The following POLD3 variants were observed in gnomAD, a reference collection of about 807,000 sequenced individuals.
The protein encoded by POLD3 is DNA polymerase delta subunit 3.
In POLD3, 19 loss-of-function variants were observed where a neutral mutation model predicts 58.2. The ratio of observed to expected loss-of-function variants is 0.33; its 90% CI spans 0.23 to 0.48. The LOEUF (loss-of-function observed/expected upper bound fraction) is 0.48. Among genes scored for constraint, POLD3 ranks in the 20% least tolerant of loss-of-function variants. The probability of loss-of-function intolerance (pLI) is 0.99; values close to 1 mark genes in which losing one functional copy is unlikely to be tolerated. For missense variants in POLD3, 504 were observed against 545.5 expected, an observed-to-expected ratio of 0.92 and a Z score of 0.76; for synonymous variants, 172 against 193.5, an observed-to-expected ratio of 0.89 and a Z score of 0.92.
chr11:74,628,599 A>T (rs1386480385), intron 8 of POLD3, among the ~76,000 whole-genome samples: 2 of 152,066 alleles, frequency 1.3e-5, no homozygotes, highest in South Asian at 4.1e-4. Context: ...GGAGTCTAGG[A>T]TTTTTTTTAT....
At chr11:74,621,375 G>A (rs559475932) in intron 7 of POLD3, among the ~76,000 whole-genome samples, 5 of 151,718 alleles carry the variant, frequency 3.3e-5, no homozygotes, top group Admixed American at 2.6e-4. Flanking sequence ...GAGGTGGAAC[G>A]GTTTCATCCT....
intron 11 of POLD3, 24 bp from the exon 12 acceptor site, chr11:74,640,540 T>C: frequency 6.8e-7 from 1 of 1,480,292 alleles, no homozygotes; most frequent in Non-Finnish European, 9.0e-7. Flanking sequence ...CCACCCATGT[T>C]CCATTTTTTT....
At chr11:74,606,078 C>T (rs2031665037) in intron 3 of POLD3, among the ~76,000 whole-genome samples, 1 of 152,192 alleles carries the variant, frequency 6.6e-6, no homozygotes, top group South Asian at 2.1e-4. Flanking sequence ...TAAAATAAAA[C>T]TGGAACGTCA....
At chr11:74,650,119 G>A (rs960384394) in intron 4 of POLD3, among the ~76,000 whole-genome samples, 2 of 152,198 alleles carry the variant, frequency 1.3e-5, no homozygotes, top group African/African-American at 4.8e-5. Flanking sequence ...AGTTTATAGT[G>A]GTTGGGTTTT....
At chr11:74,634,996 A>G (rs1168110054) in intron 10 of POLD3, among the ~76,000 whole-genome samples, 5 of 152,154 alleles carry the variant, frequency 3.3e-5, no homozygotes, top group Non-Finnish European at 7.4e-5. Flanking sequence ...GAATGGTGTA[A>G]AAAGAGATCC....
At chr11:74,607,324 G>A (rs1162879519) in intron 3 of POLD3, among the ~76,000 whole-genome samples, 4 of 149,562 alleles carry the variant, frequency 2.7e-5, no homozygotes, top group South Asian at 2.1e-4. Context: ...GTGCAGTGGC[G>A]TGAACTCAGC....
intron 5 of POLD3, among the ~76,000 whole-genome samples, chr11:74,617,203 C>T (rs149531687): frequency 2.0e-5 from 3 of 152,162 alleles, no homozygotes; most frequent in Non-Finnish European, 2.9e-5. Context: ...TTGTGTGAAA[C>T]GGCACTTCTA....
At chr11:74,596,028 T>G (rs1022450192) in intron 2 of POLD3, among the ~76,000 whole-genome samples, 3 of 86,494 alleles carry the variant, frequency 3.5e-5, no homozygotes, top group African/African-American at 1.8e-4. Flanking sequence ...TTTTTTAATC[T>G]TATTTTTTTT....
chr11:74,631,452 A>C (rs1422996964), intron 9 of POLD3, among the ~76,000 whole-genome samples: 1 of 147,834 alleles, frequency 6.8e-6, no homozygotes. Context: ...TGCTTGGTAC[A>C]TGGTTTTCTT....
intron 11 of POLD3, among the ~76,000 whole-genome samples, chr11:74,639,135 A>G (rs2032839030): frequency 6.6e-6 from 1 of 152,208 alleles, no homozygotes; most frequent in South Asian, 2.1e-4. Flanking sequence ...GACCAGCAGC[A>G]TCAGCATTAT....
intron 11 of POLD3, among the ~76,000 whole-genome samples, chr11:74,636,999 A>G (rs528591356): frequency 6.6e-6 from 1 of 152,260 alleles, no homozygotes; most frequent in African/African-American, 2.4e-5. Flanking sequence ...GTTTGATGGG[A>G]TGCTCAGATC....
At chr11:74,667,274 G>T (rs979342700) in intron 4 of POLD3, among the ~76,000 whole-genome samples, 2 of 152,200 alleles carry the variant, frequency 1.3e-5, no homozygotes, top group African/African-American at 4.8e-5. Flanking sequence ...GGTGGCTCAC[G>T]CCTGTAATCC....
At chr11:74,646,890 G>C (rs116883208), downstream of POLD3, among the ~76,000 whole-genome samples, 2 of 152,166 alleles carry the variant, frequency 1.3e-5, no homozygotes, top group African/African-American at 4.8e-5. Context: ...GCATAATGAC[G>C]GTACAGTGCA....
At chr11:74,652,183 G>A (rs2135193917) in intron 4 of POLD3, among the ~76,000 whole-genome samples, 1 of 152,292 alleles carries the variant, frequency 6.6e-6, no homozygotes, top group Non-Finnish European at 1.5e-5. Flanking sequence ...GCTCTCATCT[G>A]CAAATTGAAT....
chr11:74,653,333 A>ACACACACACACACACACT (rs58331480), intron 4 of POLD3, among the ~76,000 whole-genome samples: 1 of 151,694 alleles, frequency 6.6e-6, no homozygotes, highest in Non-Finnish European at 1.5e-5. Context: ...ACACACACAC[A>ACACACACACACACACACT]TAGTGTGGTC....
In POLD3 at chr11:74,599,256, G is replaced by A. The variant is rs147627058; in HGVS notation, c.116+5140G>A. 2.5e-3 allele frequency among the ~76,000 whole-genome samples: 382 copies of A among 151,910 alleles called. 2 individuals carry two copies. The highest frequency in any genetic ancestry group is 8.7e-3 in the African/African-American group (361 of 41,426). On this transcript the variant is annotated intron_variant, in intron 2 of 11. Coordinates refer to ENST00000263681, the MANE Select transcript of POLD3 (RefSeq NM_006591.3). ...TGTGTTGACCAGGCTGGTCTTGAAC[G>A]TCTGGACTCAAGCAGTCCTCCTGCC...
intron 4 of POLD3, among the ~76,000 whole-genome samples, chr11:74,611,997 ACAGT>A (rs1219041834): frequency 6.6e-6 from 1 of 152,244 alleles, no homozygotes; most frequent in East Asian, 1.9e-4. Context: ...GAATTTAATA[ACAGT>A]CAGGGTCCTC....
chr11:74,646,228 C>T (rs187059724), downstream of POLD3, among the ~76,000 whole-genome samples: 76 of 152,278 alleles, frequency 5.0e-4, no homozygotes, highest in African/African-American at 1.8e-3. Flanking sequence ...CTGCCTCGGC[C>T]TCCCAAAGAG....
chr11:74,668,625 A>T (rs1334506636), intron 4 of POLD3, among the ~76,000 whole-genome samples: 4 of 152,178 alleles, frequency 2.6e-5, no homozygotes, highest in Non-Finnish European at 4.4e-5. Flanking sequence ...AGGCTAAGGT[A>T]CTACTGAGCT....
Sources: allele counts gnomAD v4.1 joint callset (sites outside exome capture counted in the v4.1 genomes callset), GRCh38; gene constraint gnomAD v4.1.1; transcripts MANE v1.5; gene names NCBI Gene and HGNC (gene_info 2026-07-23, HGNC 2026-07-21).